Variants in SUV39H2 observed in about 807,000 individuals in gnomAD.
SUV39H2 encodes the protein SUV39H2 histone lysine methyltransferase, also known as histone-lysine N-methyltransferase SUV39H2.
SUV39H2 carries 10 observed loss-of-function variants against 47.5 expected under a neutral mutation model. The ratio of observed to expected loss-of-function variants is 0.21; its 90% CI spans 0.13 to 0.36. The LOEUF (loss-of-function observed/expected upper bound fraction) is 0.36. Ranked by LOEUF, SUV39H2 falls within the 10% of genes least tolerant of loss-of-function variation. The pLI, the probability that SUV39H2 is intolerant of heterozygous loss-of-function variation, is 1.00. For missense variants in SUV39H2, 266 were observed against 487.4 expected (o/e 0.55, Z 4.28); for synonymous variants, 159 against 166.8 (o/e 0.95, Z 0.36).
intron 3 of SUV39H2, chr10:14,898,251 C>A (rs1833742863): frequency 1.2e-5 from 1 of 81,404 alleles, no homozygotes; most frequent in South Asian, 4.2e-4. Context: ...ACTGTTATGT[C>A]CATTATTGTA....
In SUV39H2 at chr10:14,897,387, C is replaced by G. The variant is rs781457576; in HGVS notation, c.719C>G (p.Pro240Arg). 6 of 1,613,122 alleles carry G rather than the reference C, an allele frequency of 3.7e-6. No individual in the cohort carries two copies. The highest frequency in any genetic ancestry group is 5.1e-6 in the Non-Finnish European group (6 of 1,179,890). The change falls in exon 3 of 6, where the codon CCC becomes CGC. Residue 240 changes from proline (P) to arginine (R), a missense_variant. By Grantham distance (103) the Pro-to-Arg change is moderately radical. This residue lies in a region of SUV39H2 where 112 missense variants were observed against 271.9 expected (regional missense o/e 0.41). Transcript: ENST00000354919. ...NSRCQCGPDC[P>R]NRIVQKGTQY... Reference sequence around the variant, plus strand: ...AGGTGTCAGTGTGGTCCTGATTGTCCCAATAGGATTGTACAAAAAGGCACA... The same window carrying G: ...AGGTGTCAGTGTGGTCCTGATTGTCGCAATAGGATTGTACAAAAAGGCACA...
At chr10:14,886,830 C>T (rs1328746063) in intron 2 of SUV39H2, among the ~76,000 whole-genome samples, 1 of 151,920 alleles carries the variant, frequency 6.6e-6, no homozygotes, top group Non-Finnish European at 1.5e-5. Flanking sequence ...CTGTGGCAAA[C>T]ATCGTTAGAA....
chr10:14,892,999 A>ATTTTT (rs869161891), intron 2 of SUV39H2, among the ~76,000 whole-genome samples: 4 of 79,906 alleles, frequency 5.0e-5, no homozygotes, highest in Non-Finnish European at 1.0e-4. Flanking sequence ...AATTTTTTGT[A>ATTTTT]TTTTTTTTTT....
chr10:14,897,313 C>T lies in SUV39H2; in HGVS notation c.645C>T (p.Asn215=). ...GAGTTCTTTTGGCTTATAATAAAAA[C>T]CAACAAATTAAAATCCCACCTGGTA... The part of the protein sequence containing the change: ...EAGVLLAYNK[N]QQIKIPPGTP... Residue 215 remains asparagine (N), a synonymous_variant, in exon 3 of 6, where the codon AAC becomes AAT. Transcript: ENST00000354919. The T allele has an allele frequency of 6.2e-7, 1 of 1,613,318 alleles. No homozygotes were observed.
chr10:14,902,369 C>G, intron 5 of SUV39H2, 37 bp from the exon 6 acceptor site: 1 of 1,402,956 alleles, frequency 7.1e-7, no homozygotes, highest in Non-Finnish European at 9.8e-7. Flanking sequence ...ATTGTCTTAA[C>G]TCTCTTTCTC....
At chr10:14,893,099 G>A (rs1225121070) in intron 2 of SUV39H2, among the ~76,000 whole-genome samples, 9 of 150,638 alleles carry the variant, frequency 6.0e-5, no homozygotes, top group African/African-American at 2.0e-4. Flanking sequence ...GCCCCCTGGG[G>A]TTCACGCCAT....
At chr10:14,892,657 T>C (rs1198705330) in intron 2 of SUV39H2, among the ~76,000 whole-genome samples, 2 of 152,200 alleles carry the variant, frequency 1.3e-5, no homozygotes, top group Non-Finnish European at 2.9e-5. Context: ...TTGCTACTTA[T>C]TTCACATTAC....
At chr10:14,892,978 C>T (rs1181686256) in intron 2 of SUV39H2, among the ~76,000 whole-genome samples, 1 of 150,910 alleles carries the variant, frequency 6.6e-6, no homozygotes, top group Non-Finnish European at 1.5e-5. Context: ...TGCCCACCAC[C>T]ATGCCGAGCT....
intron 3 of SUV39H2, chr10:14,897,895 C>G (rs1833699017): frequency 6.5e-6 from 1 of 154,876 alleles, no homozygotes; most frequent in South Asian, 2.1e-4. Flanking sequence ...ATCTATTTGA[C>G]CAAATATGAT....
chr10:14,891,310 G>A (rs1436358761), intron 2 of SUV39H2, among the ~76,000 whole-genome samples: 1 of 152,190 alleles, frequency 6.6e-6, no homozygotes, highest in Non-Finnish European at 1.5e-5. Context: ...GGCCATGATG[G>A]AAGATGGAGC....
At chr10:14,894,659 G>A (rs1429803929) in intron 2 of SUV39H2, among the ~76,000 whole-genome samples, 1 of 57,434 alleles carries the variant, frequency 1.7e-5, no homozygotes, top group Non-Finnish European at 2.9e-5. Context: ...GAGCCACCGC[G>A]CCCGGCCGCA....
chr10:14,880,036 G>A (rs1453790820), intron 1 of SUV39H2: 1 of 151,612 alleles, frequency 6.6e-6, no homozygotes, highest in Non-Finnish European at 1.5e-5. Flanking sequence ...TAGATAAGAG[G>A]AACCTCCTTT....
At chr10:14,879,230 A>C in intron 1 of SUV39H2, 2 of 711,758 alleles carry the variant, frequency 2.8e-6, no homozygotes, top group South Asian at 6.7e-5. Context: ...TCGGGCTTCG[A>C]GGCCGCTCCC....
intron 1 of SUV39H2, among the ~76,000 whole-genome samples, chr10:14,879,389 G>A (rs1200489132): frequency 4.6e-5 from 7 of 152,362 alleles, no homozygotes; most frequent in African/African-American, 1.2e-4. Context: ...TAATATCAGA[G>A]GGGGAGAGTA....
intron 2 of SUV39H2, among the ~76,000 whole-genome samples, chr10:14,892,999 ATTTTT>A (rs869161891): frequency 5.0e-5 from 4 of 79,938 alleles, no homozygotes; most frequent in African/African-American, 2.0e-4. Flanking sequence ...AATTTTTTGT[ATTTTT>A]TTTTTTTTTT....
At chr10:14,880,966 T>A (rs772022978) in intron 1 of SUV39H2, among the ~76,000 whole-genome samples, 6 of 152,198 alleles carry the variant, frequency 3.9e-5, no homozygotes, top group Admixed American at 1.3e-4. Context: ...AAAACTAACA[T>A]ATAATGAGTT....
chr10:14,903,667 G>T lies in SUV39H2; in HGVS notation c.*1155G>T, dbSNP rs1834167111. ...AAATAGAATATATTAGTTTTCAAGG[G>T]AGTGGGAGGCTTCCAACATAGTATT... On this transcript the variant is annotated 3_prime_UTR_variant, in exon 6 of 6. Coordinates refer to ENST00000354919, the MANE Select transcript of SUV39H2 (RefSeq NM_001193424.2). 6.6e-6 allele frequency: 1 copy of T among 152,166 alleles called. No homozygotes were observed. The highest frequency in any genetic ancestry group is 2.1e-4 in the South Asian group (1 of 4,828). 9.4% of individuals were successfully genotyped at this position (152,166 alleles called of 1,614,324 possible). A position where few individuals can be genotyped will look rare whatever the true frequency, so the allele number is the denominator to read the frequency against.
chr10:14,888,596 A>G lies in SUV39H2; in HGVS notation c.177+6951A>G, dbSNP rs1423534941. 9.2e-5 allele frequency among the ~76,000 whole-genome samples: 14 copies of G among 151,912 alleles called. 1 individual carries two copies. Among genetic ancestry groups the G allele is most frequent in the Admixed American group, 8.5e-4 (13 of 15,246 alleles). On this transcript the variant is annotated intron_variant, in intron 2 of 5. Coordinates refer to ENST00000354919, the MANE Select transcript of SUV39H2 (RefSeq NM_001193424.2). ...GGTTGCAGTGAGCCGAGTTTGCACT[A>G]CTGCACTCCAACCTGGTGACAGAGC...
rs1418517663 is a variant in SUV39H2 at position 14,881,597 on chromosome 10, T to C, written c.129T>C (p.Asn43=). 6.2e-7 allele frequency: 1 copy of C among 1,603,386 alleles called. No individual in the cohort carries two copies. The highest frequency in any genetic ancestry group is 8.5e-7 in the Non-Finnish European group (1 of 1,176,692). The stretch of plus-strand genomic sequence containing the variant: ...AATCGATTGGAATCACCAAAAGGAA[T>C]CTAAACAATTATGAGGTGGAATACT... ...TCKSIGITKR[N]LNNYEVEYLC... The change falls in exon 2 of 6, where the codon AAT becomes AAC. Residue 43 remains asparagine (N), a synonymous_variant. Coordinates refer to ENST00000354919, the MANE Select transcript of SUV39H2 (RefSeq NM_001193424.2).
Sources: gnomAD v4.1 joint callset for allele counts (sites outside exome capture counted in the v4.1 genomes callset) on GRCh38, gnomAD v4.1.1 for gene constraint, gnomAD v4.1.1 regional missense constraint, MANE v1.5 for transcripts, NCBI Gene and HGNC (gene_info 2026-07-23, HGNC 2026-07-21) for gene names.